Variants in DRD3 observed in about 807,000 individuals in gnomAD.
DRD3 encodes the protein D(3) dopamine receptor.
A neutral mutation model predicts 36.3 loss-of-function variants in DRD3; 19 were observed. The ratio of observed to expected loss-of-function variants is 0.52; its 90% confidence interval spans 0.36 to 0.77. The LOEUF (loss-of-function observed/expected upper bound fraction) is 0.77, where lower values mean the gene tolerates loss of function less well. Ranked by LOEUF, DRD3 falls within the 30% of genes least tolerant of loss-of-function variation. DRD3 has a pLI of 0.00. For missense variants in DRD3, 465 were observed against 505.3 expected, an observed-to-expected ratio of 0.92 and a Z score of 0.77; for synonymous variants, 195 against 203.7, an observed-to-expected ratio of 0.96 and a Z score of 0.36.
intron 3 of DRD3, among the ~76,000 whole-genome samples, chr3:114,158,175 G>A (rs1280070503): frequency 6.6e-6 from 1 of 151,854 alleles, no homozygotes; most frequent in Non-Finnish European, 1.5e-5. Context: ...TACTTGGGAG[G>A]CTAAGATGGG....
chr3:114,197,805 T>C (rs2078045344), intron 1 of DRD3, among the ~76,000 whole-genome samples: 1 of 152,226 alleles, frequency 6.6e-6, no homozygotes, highest in African/African-American at 2.4e-5. Context: ...TATATTTGTC[T>C]ATCTTGACAC....
intron 3 of DRD3, 94 bp downstream of exon 3, chr3:114,159,661 A>T: frequency 1.1e-6 from 1 of 935,594 alleles, no homozygotes; most frequent in Non-Finnish European, 1.7e-6. Context: ...GTCAAGTTCT[A>T]CTTGGAGGTG....
At chr3:114,186,289 G>A (rs185576768) in intron 1 of DRD3, among the ~76,000 whole-genome samples, 17 of 152,254 alleles carry the variant, frequency 1.1e-4, no homozygotes, top group East Asian at 1.9e-4. Context: ...CACCATGCCC[G>A]GTTAATTTTG....
intron 1 of DRD3, among the ~76,000 whole-genome samples, chr3:114,197,360 A>G (rs1399878725): frequency 6.8e-6 from 1 of 146,816 alleles, no homozygotes; most frequent in Non-Finnish European, 1.5e-5. Flanking sequence ...GCCTCAAACA[A>G]TCTCCCCACC....
chr3:114,184,664 C>CTTTTTTTTTTTTTTTTTTTTTTT (rs1553769533), intron 1 of DRD3, among the ~76,000 whole-genome samples: 19 of 136,548 alleles, frequency 1.4e-4, no homozygotes, highest in East Asian at 4.6e-4. Context: ...TTATGTTCTC[C>CTTTTTTTTTTTTTTTTTTTTTTT]TTCTTTTCCT....
intron 1 of DRD3, among the ~76,000 whole-genome samples, chr3:114,198,872 G>C (rs2078050552): frequency 1.3e-5 from 2 of 152,002 alleles, no homozygotes; most frequent in Non-Finnish European, 2.9e-5. Flanking sequence ...CAAGTAGCTA[G>C]GACTATACAG....
At chr3:114,169,216 C>T (rs1291248242) in intron 2 of DRD3, among the ~76,000 whole-genome samples, 1 of 151,428 alleles carries the variant, frequency 6.6e-6, no homozygotes, top group African/African-American at 2.4e-5. Context: ...TAAGGTGCCT[C>T]ATTTGCCTCT....
chr3:114,136,397 C>T (rs2107834504), intron 5 of DRD3, among the ~76,000 whole-genome samples: 1 of 152,274 alleles, frequency 6.6e-6, no homozygotes, highest in East Asian at 1.9e-4. Context: ...CCATGACTGA[C>T]ATGAGGAAAC....
intron 5 of DRD3, among the ~76,000 whole-genome samples, chr3:114,138,725 G>T (rs1242943869): frequency 6.6e-6 from 1 of 152,124 alleles, no homozygotes; most frequent in Non-Finnish European, 1.5e-5. Flanking sequence ...CCTCACATTT[G>T]GCAAACATCC....
At chr3:114,130,327 G>C (rs1179544300) in intron 6 of DRD3, among the ~76,000 whole-genome samples, 1 of 151,796 alleles carries the variant, frequency 6.6e-6, no homozygotes, top group Admixed American at 6.6e-5. Flanking sequence ...AGACAAGTAG[G>C]AAAAAAGGAA....
intron 1 of DRD3, among the ~76,000 whole-genome samples, chr3:114,176,519 T>G (rs1490141722): frequency 2.0e-5 from 3 of 152,078 alleles, no homozygotes; most frequent in Non-Finnish European, 4.4e-5. Context: ...GCAGGAAGAT[T>G]GCTTGAGTCC....
chr3:114,158,228 A>G (rs1334581063), intron 3 of DRD3, among the ~76,000 whole-genome samples: 1 of 150,948 alleles, frequency 6.6e-6, no homozygotes. Context: ...CCTGGACAAC[A>G]TAGCAGGACC....
chr3:114,130,389 T>G, intron 6 of DRD3, among the ~76,000 whole-genome samples: 1 of 152,220 alleles, frequency 6.6e-6, no homozygotes, highest in South Asian at 2.1e-4. Context: ...GTGAATTTCT[T>G]TCCAGTCTTT....
chr3:114,153,903 T>C (rs1177421421), intron 3 of DRD3, among the ~76,000 whole-genome samples: 2 of 152,220 alleles, frequency 1.3e-5, no homozygotes, highest in Non-Finnish European at 2.9e-5. Flanking sequence ...GAGTTCTTAG[T>C]GTCTGGCACA....
chr3:114,174,362 C>T (rs988277701), intron 1 of DRD3, among the ~76,000 whole-genome samples: 11 of 152,190 alleles, frequency 7.2e-5, no homozygotes, highest in Non-Finnish European at 1.5e-4. Flanking sequence ...TCTTAGCCTC[C>T]TCTCACCTGC....
Position 114,165,387 on chromosome 3 carries a change from C to T in DRD3, c.271-5520G>A, listed in dbSNP as rs550619004. On this transcript the variant is annotated intron_variant, in intron 2 of 6. Coordinates refer to ENST00000383673, the MANE Select transcript of DRD3 (RefSeq NM_000796.6). ...TGGAGGTTGCAGTGAGCTGAGATTG[C>T]GCCACTGCACTCCAGCCTGGGCAAC... is the stretch of plus-strand genomic sequence containing the variant. 9.1e-4 allele frequency among the ~76,000 whole-genome samples: 138 copies of T among 151,630 alleles called. 2 individuals carry two copies. In the South Asian group the frequency reaches 0.027, roughly 30 times the overall value.
In DRD3 at chr3:114,199,312, A is replaced by G. The variant is rs984971902; in HGVS notation, c.-195T>C. On this transcript the variant is annotated 5_prime_UTR_variant, in exon 1 of 8. Transcript: ENST00000460779. ...GGAAGTCCAAGAGTGTGGCACAGAC[A>G]TCTGGCAAAGACCTTTGTGCTGTGT... 8 of 152,548 alleles carry G rather than the reference A, an allele frequency of 5.2e-5. No individual in the cohort carries two copies. In the East Asian group the frequency reaches 5.8e-4, roughly 11 times the overall value. 9.4% of individuals were successfully genotyped at this position (152,548 alleles called of 1,614,324 possible). A position where few individuals can be genotyped will look rare whatever the true frequency, so the allele number is the denominator to read the frequency against.
At chr3:114,146,225 C>T (rs2077568341) in intron 4 of DRD3, among the ~76,000 whole-genome samples, 1 of 152,088 alleles carries the variant, frequency 6.6e-6, no homozygotes, top group South Asian at 2.1e-4. Flanking sequence ...AAGCACATGG[C>T]TATGTGACTG....
Position 114,128,881 on chromosome 3 carries a change from G to A in DRD3, c.1038C>T (p.Phe346=). The A allele has an allele frequency of 6.2e-7, 1 of 1,608,000 alleles. No individual in the cohort carries two copies. ...AGTGGGTATTGAGAACATGGGTCAA[G>A]AAGAAGGGCAGCCAGCAGACAATGA... ...GAFIVCWLPF[F]LTHVLNTHCQ... is the part of the protein sequence containing the mutation. Residue 346 remains phenylalanine (F), a synonymous_variant, in exon 7 of 7, where the codon TTC becomes TTT. Transcript: ENST00000383673.
Sources: gnomAD v4.1 joint callset for allele counts (sites outside exome capture counted in the v4.1 genomes callset) on GRCh38, gnomAD v4.1.1 for gene constraint, MANE v1.5 for transcripts, NCBI Gene and HGNC (gene_info 2026-07-23, HGNC 2026-07-21) for gene names.